Variants in BTBD3 observed in about 807,000 individuals in gnomAD.
The protein encoded by BTBD3 is BTB/POZ domain-containing protein 3.
Under a neutral mutation model 41.6 loss-of-function variants are expected in BTBD3, and 14 were observed. The ratio of observed to expected loss-of-function variants is 0.34; its 90% CI spans 0.22 to 0.53. The LOEUF (loss-of-function observed/expected upper bound fraction) is 0.53, where lower values mean the gene tolerates loss of function less well. BTBD3 is among the 20% of genes least tolerant of loss of function. BTBD3 has a pLI of 0.95. For synonymous variants in BTBD3, 249 were observed against 233.7 expected (o/e 1.07, Z -0.60); for missense variants, 426 against 654.7 (o/e 0.65, Z 3.81).
At chr20:11,907,416 C>T (rs1395638368) in intron 1 of BTBD3, among the ~76,000 whole-genome samples, 1 of 152,142 alleles carries the variant, frequency 6.6e-6, no homozygotes, top group Non-Finnish European at 1.5e-5. Flanking sequence ...CCATTTTGGT[C>T]TAGGACCAGT....
In BTBD3 at chr20:11,918,621, A is replaced by G. The variant is rs371915798; in HGVS notation, c.326+20A>G. 6.3e-5 allele frequency: 97 copies of G among 1,545,470 alleles called. No individual in the cohort carries two copies. Among genetic ancestry groups the G allele is most frequent in the Non-Finnish European group, 7.6e-5 (88 of 1,151,592 alleles). On this transcript the variant is annotated intron_variant, in intron 1 of 3. Transcript: ENST00000378226. ...AGAGAGGTAAGTGCCGCGCTAGTCT[A>G]TTTACTTTAAAAGTTTTCCTGTGTT...
intron 1 of BTBD3, among the ~76,000 whole-genome samples, chr20:11,893,022 C>T (rs896601627): frequency 1.3e-5 from 2 of 151,744 alleles, no homozygotes; most frequent in East Asian, 1.9e-4. Context: ...CTTCCCTGCC[C>T]AAACACATGC....
At chr20:11,914,635 T>TAA (rs113382976), upstream of BTBD3, among the ~76,000 whole-genome samples, 1 of 145,114 alleles carries the variant, frequency 6.9e-6, no homozygotes, top group African/African-American at 2.5e-5. Context: ...AATAATAAAA[T>TAA]AAAAAAAAAA....
intron 1 of BTBD3, among the ~76,000 whole-genome samples, chr20:11,896,356 T>G (rs1480052898): frequency 8.5e-5 from 13 of 152,230 alleles, no homozygotes; most frequent in Admixed American, 8.5e-4. Context: ...CTGGCACTTA[T>G]GCGAAAAGCT....
intron 1 of BTBD3, among the ~76,000 whole-genome samples, chr20:11,894,736 C>T (rs2056776449): frequency 6.6e-6 from 1 of 151,738 alleles, no homozygotes; most frequent in Non-Finnish European, 1.5e-5. Context: ...AAGTCTCTAC[C>T]TTGTCCTTTA....
intron 1 of BTBD3, among the ~76,000 whole-genome samples, chr20:11,897,610 T>G (rs2056795664): frequency 6.6e-6 from 1 of 152,022 alleles, no homozygotes; most frequent in Admixed American, 6.5e-5. Flanking sequence ...CAGAATCAGT[T>G]TAACTACTTT....
At chr20:11,897,695 C>T (rs973664953) in intron 1 of BTBD3, among the ~76,000 whole-genome samples, 1 of 152,124 alleles carries the variant, frequency 6.6e-6, no homozygotes, top group African/African-American at 2.4e-5. Flanking sequence ...GGCCCATGGC[C>T]TCCTAACAGA....
intron 1 of BTBD3, among the ~76,000 whole-genome samples, chr20:11,907,724 C>T (rs1429665027): frequency 6.6e-6 from 1 of 152,124 alleles, no homozygotes; most frequent in African/African-American, 2.4e-5. Flanking sequence ...TAGGGTTGTA[C>T]AGAAGAAAGG....
At chr20:11,902,821 A>G (rs1017752495) in intron 1 of BTBD3, among the ~76,000 whole-genome samples, 8 of 152,348 alleles carry the variant, frequency 5.3e-5, no homozygotes, top group African/African-American at 1.7e-4. Flanking sequence ...TAACTCTCAT[A>G]GATGTGTGTA....
intron 1 of BTBD3, 99 bp downstream of exon 1, chr20:11,918,700 T>C: frequency 7.7e-7 from 1 of 1,305,898 alleles, no homozygotes; most frequent in Non-Finnish European, 1.0e-6. Flanking sequence ...ATCTGTTTCC[T>C]CTTTTCCCAG....
chr20:11,907,199 A>G (rs947838273), intron 1 of BTBD3, among the ~76,000 whole-genome samples: 2 of 152,234 alleles, frequency 1.3e-5, no homozygotes, highest in Non-Finnish European at 2.9e-5. Context: ...TACTCTAAGC[A>G]TGTAGGGACT....
At chr20:11,911,172 C>T (rs765729782) in intron 1 of BTBD3, among the ~76,000 whole-genome samples, 1 of 151,952 alleles carries the variant, frequency 6.6e-6, no homozygotes, top group Non-Finnish European at 1.5e-5. Flanking sequence ...TAGTTACACT[C>T]ATGAGATGGC....
upstream of BTBD3, among the ~76,000 whole-genome samples, chr20:11,915,928 G>A (rs957526189): frequency 6.6e-6 from 1 of 151,950 alleles, no homozygotes; most frequent in Non-Finnish European, 1.5e-5. Context: ...TTAACTTAGT[G>A]GTGTAAGAGC....
intron 1 of BTBD3, among the ~76,000 whole-genome samples, chr20:11,897,769 A>AGAT (rs2056796759): frequency 6.6e-6 from 1 of 152,154 alleles, no homozygotes; most frequent in African/African-American, 2.4e-5. Context: ...CATCAGAGTG[A>AGAT]TCTTTTAAAA....
chr20:11,919,753 G>A lies in BTBD3; in HGVS notation c.453G>A (p.Ala151=), dbSNP rs375919920. The A allele has an allele frequency of 1.7e-5, 27 of 1,614,148 alleles. No individual in the cohort carries two copies. The highest frequency in any genetic ancestry group is 1.5e-4 in the African/African-American group (11 of 75,052). Residue 151 remains alanine (A), a synonymous_variant, in exon 3 of 4, where the codon GCG becomes GCA. Transcript: ENST00000378226. ...CTGTTGGGAGCTCTGTGTTCCATGC[G>A]ATGTTTTACGGAGAACTTGCAGAGG... The part of the protein sequence containing the change: ...VLAVGSSVFH[A]MFYGELAEDK...
intron 1 of BTBD3, among the ~76,000 whole-genome samples, chr20:11,902,012 T>A (rs1488327703): frequency 6.6e-6 from 1 of 152,108 alleles, no homozygotes; most frequent in Non-Finnish European, 1.5e-5. Context: ...TTGAACAACT[T>A]GAGCATAAAG....
intron 1 of BTBD3, among the ~76,000 whole-genome samples, chr20:11,902,232 A>G (rs1345736695): frequency 6.6e-6 from 1 of 152,234 alleles, no homozygotes; most frequent in African/African-American, 2.4e-5. Context: ...ATAATATATT[A>G]TGAAAATCAT....
At chr20:11,915,641 C>T (rs926122747), upstream of BTBD3, among the ~76,000 whole-genome samples, 1 of 152,022 alleles carries the variant, frequency 6.6e-6, no homozygotes, top group Non-Finnish European at 1.5e-5. Context: ...TGCCTTATTA[C>T]CGTGGTAAGA....
upstream of BTBD3, among the ~76,000 whole-genome samples, chr20:11,917,424 G>T (rs1019558984): frequency 2.0e-5 from 3 of 152,074 alleles, no homozygotes; most frequent in South Asian, 2.1e-4. Flanking sequence ...CTCAAAAGAG[G>T]CTAAGAAAAA....
Sources: gnomAD v4.1 joint callset for allele counts (sites outside exome capture counted in the v4.1 genomes callset) on GRCh38, gnomAD v4.1.1 for gene constraint, MANE v1.5 for transcripts, NCBI Gene and HGNC (gene_info 2026-07-23, HGNC 2026-07-21) for gene names.